The following SP4 variants were observed in gnomAD, a reference collection of about 807,000 sequenced individuals.
SP4 encodes Sp4 transcription factor, also known as transcription factor Sp4.
A neutral mutation model predicts 72.8 loss-of-function variants in SP4; 19 were observed. The ratio of observed to expected loss-of-function variants is 0.26; its 90% CI spans 0.18 to 0.38. The LOEUF (loss-of-function observed/expected upper bound fraction) is 0.38, where lower values mean the gene tolerates loss of function less well. SP4 is among the 10% of genes least tolerant of loss of function. The pLI, the probability that SP4 is intolerant of heterozygous loss-of-function variation, is 1.00. For missense variants in SP4, 1,008 were observed against 926.3 expected, an observed-to-expected ratio of 1.09 and a Z score of -1.14; for synonymous variants, 395 against 333.1, an observed-to-expected ratio of 1.19 and a Z score of -2.02.
Position 21,430,821 on chromosome 7 carries a change from C to T in SP4, c.1656C>T (p.Pro552=), listed in dbSNP as rs1021583989. ...GAAGVQVQGV[P]VTITSVAGQQ... is the part of the protein sequence containing the mutation. The stretch of plus-strand genomic sequence containing the variant: ...CAGGTGTTCAAGTGCAGGGAGTTCC[C>T]GTTACAATCACTAGTGTTGCAGGTA... Residue 552 remains proline (P), a synonymous_variant, in exon 3 of 6, where the codon CCC becomes CCT. Transcript: ENST00000222584. The T allele has an allele frequency of 1.2e-5, 19 of 1,611,852 alleles. No individual in the cohort carries two copies. The highest frequency in any genetic ancestry group is 3.3e-5 in the Admixed American group (2 of 59,980).
At chr7:21,473,260 T>C (rs1562610555) in intron 3 of SP4, among the ~76,000 whole-genome samples, 1 of 152,128 alleles carries the variant, frequency 6.6e-6, no homozygotes, top group African/African-American at 2.4e-5. Flanking sequence ...CATCACTGGA[T>C]GTAATGAGTA....
chr7:21,449,192 C>A (rs10228982), intron 3 of SP4, among the ~76,000 whole-genome samples: 2 of 152,150 alleles, frequency 1.3e-5, no homozygotes, highest in Non-Finnish European at 2.9e-5. Context: ...AACTAGCCAA[C>A]CCTAAGCCTG....
At chr7:21,469,609 TC>T (rs1784269319) in intron 3 of SP4, among the ~76,000 whole-genome samples, 1 of 150,330 alleles carries the variant, frequency 6.7e-6, no homozygotes, top group Non-Finnish European at 1.5e-5. Flanking sequence ...TGGTGAGATC[TC>T]CACTCACTGC....
chr7:21,502,356 C>G (rs917013147), intron 5 of SP4, among the ~76,000 whole-genome samples: 1 of 152,128 alleles, frequency 6.6e-6, no homozygotes, highest in Non-Finnish European at 1.5e-5. Context: ...GCTTATTGAA[C>G]TCTGCCCCCT....
At chr7:21,495,408 CA>C (rs1201088795) in intron 5 of SP4, among the ~76,000 whole-genome samples, 2 of 151,326 alleles carry the variant, frequency 1.3e-5, no homozygotes, top group Admixed American at 1.3e-4. Flanking sequence ...ACAAATTTAA[CA>C]GTTTTTTTTT....
intron 3 of SP4, among the ~76,000 whole-genome samples, chr7:21,431,405 T>C (rs1319841760): frequency 6.6e-6 from 1 of 152,198 alleles, no homozygotes; most frequent in Admixed American, 6.5e-5. Context: ...AGTTGTAAAT[T>C]GTTTGGTTAA....
At chr7:21,507,914 C>G (rs1272838017) in intron 5 of SP4, among the ~76,000 whole-genome samples, 2 of 152,132 alleles carry the variant, frequency 1.3e-5, no homozygotes, top group African/African-American at 4.8e-5. Flanking sequence ...GATTGGGACT[C>G]TGCACTTGCT....
chr7:21,492,977 A>G (rs1437019902), intron 5 of SP4, among the ~76,000 whole-genome samples: 1 of 152,214 alleles, frequency 6.6e-6, no homozygotes, highest in East Asian at 1.9e-4. Context: ...AGACAGGTGG[A>G]TCACCTGAGA....
intron 2 of SP4, 33 bp from the exon 3 acceptor site, chr7:21,429,256 C>G: frequency 8.0e-7 from 1 of 1,251,348 alleles, no homozygotes; most frequent in Non-Finnish European, 1.1e-6. Context: ...TTTTTTCCCC[C>G]CCCCCTCTCC....
chr7:21,500,380 A>G (rs892205054), intron 5 of SP4, among the ~76,000 whole-genome samples: 1 of 152,214 alleles, frequency 6.6e-6, no homozygotes, highest in Admixed American at 6.5e-5. Context: ...ATTACCACAA[A>G]TTTAGCCGCT....
At chr7:21,480,302 T>C (rs1784648414) in intron 4 of SP4, among the ~76,000 whole-genome samples, 1 of 152,222 alleles carries the variant, frequency 6.6e-6, no homozygotes, top group Admixed American at 6.5e-5. Context: ...CCCTCCAAAC[T>C]GGTATTAATT....
At chr7:21,433,262 G>C (rs1400217639) in intron 3 of SP4, among the ~76,000 whole-genome samples, 1 of 152,172 alleles carries the variant, frequency 6.6e-6, no homozygotes, top group African/African-American at 2.4e-5. Flanking sequence ...GATTTGGGTG[G>C]TTCTGTTTTA....
chr7:21,464,581 AT>A (rs11299447), intron 3 of SP4, among the ~76,000 whole-genome samples: 77,388 of 142,218 alleles, frequency 0.54, 20,877 homozygotes, highest in Middle Eastern at 0.71. Flanking sequence ...TCTATTTTCT[AT>A]TTTTTTTTTT....
chr7:21,505,631 C>T (rs1430450587), intron 5 of SP4, among the ~76,000 whole-genome samples: 2 of 152,146 alleles, frequency 1.3e-5, no homozygotes, highest in East Asian at 3.9e-4. Context: ...CATTTGGATC[C>T]ACCACATTGA....
At chr7:21,438,021 A>G (rs6461562) in intron 3 of SP4, among the ~76,000 whole-genome samples, 114,402 of 149,424 alleles carry the variant, frequency 0.77, 44,413 homozygotes, top group East Asian at 0.9. Flanking sequence ...TTTTTTTTCT[A>G]ACGTAGTTCT....
intron 3 of SP4, among the ~76,000 whole-genome samples, chr7:21,461,668 C>T (rs1042530603): frequency 1.5e-4 from 23 of 152,302 alleles, no homozygotes; most frequent in Non-Finnish European, 1.6e-4. Flanking sequence ...GCTGCAGCCT[C>T]GGCCAGCCCG....
intron 3 of SP4, among the ~76,000 whole-genome samples, chr7:21,439,408 G>A (rs1783159191): frequency 6.6e-6 from 1 of 152,050 alleles, no homozygotes; most frequent in Admixed American, 6.5e-5. Context: ...TTGTATAGTG[G>A]CGAAGGCAGG....
rs151068530 is a variant in SP4, at chr7:21,464,863, A to T, written c.1679-12216A>T. Among the ~76,000 whole-genome samples, 215 of 152,356 alleles carry T rather than the reference A, an allele frequency of 1.4e-3. No homozygotes were observed. The Middle Eastern group carries it at 0.051, about 36-fold the overall frequency. On this transcript the variant is annotated intron_variant, in intron 3 of 5. Transcript: ENST00000222584. ...TGGTGACTCATTGTACATCTAAAGGACCGGAAGTAGCTTTAAAACTTTTTA... is the reference window on the plus strand; with the variant it reads ...TGGTGACTCATTGTACATCTAAAGGTCCGGAAGTAGCTTTAAAACTTTTTA...
chr7:21,449,163 G>T (rs1169048035), intron 3 of SP4, among the ~76,000 whole-genome samples: 1 of 152,068 alleles, frequency 6.6e-6, no homozygotes, highest in Non-Finnish European at 1.5e-5. Context: ...TGTGCCCCAC[G>T]GTCTTCTAAA....
Sources: gnomAD v4.1 joint callset for allele counts (sites outside exome capture counted in the v4.1 genomes callset) on GRCh38, gnomAD v4.1.1 for gene constraint, MANE v1.5 for transcripts, NCBI Gene and HGNC (gene_info 2026-07-23, HGNC 2026-07-21) for gene names.